DNAH5: variants seen among roughly 807,000 people sequenced by gnomAD.
DNAH5 encodes the protein axonemal beta dynein heavy chain 5.
DNAH5 carries 372 observed loss-of-function variants against 518.2 expected under a neutral mutation model. The observed-to-expected ratio is 0.72, with a 90% CI of 0.66 to 0.78. The LOEUF is 0.78. Ranked by LOEUF, DNAH5 falls within the 30% of genes least tolerant of loss-of-function variation. The pLI, the probability that DNAH5 is intolerant of heterozygous loss-of-function variation, is 0.00. For missense variants in DNAH5, 5,523 were observed against 5,687.0 expected (o/e 0.97, Z 0.93); for synonymous variants, 2,039 against 2,025.9 (o/e 1.01, Z -0.17).
intron 40 of DNAH5, among the ~76,000 whole-genome samples, chr5:13,822,506 C>A (rs1356150710): frequency 2.6e-5 from 4 of 152,168 alleles, no homozygotes; most frequent in Non-Finnish European, 5.9e-5. Context: ...CTCACTTGGC[C>A]TCCCAGAGTG....
chr5:13,859,191 AC>A, intron 30 of DNAH5, among the ~76,000 whole-genome samples: 1 of 152,252 alleles, frequency 6.6e-6, no homozygotes, highest in African/African-American at 2.4e-5. Flanking sequence ...CAATTATGCG[AC>A]CACTTATTTT....
chr5:13,754,202 C>A lies in DNAH5; in HGVS notation c.10555+1G>T. On this transcript the variant is annotated splice_donor_variant, in intron 62 of 78. Transcript: ENST00000265104. LOFTEE classifies it high-confidence loss of function. The stretch of plus-strand genomic sequence containing the variant: ...TCTCATTAATAAAGAAATTTACATA[C>A]CTACAAGTCTTTTAGTTTGTGCAGC... The A allele has an allele frequency of 6.2e-7, 1 of 1,614,016 alleles. No individual in the cohort carries two copies.
chr5:13,973,162 A>G (rs1429041925), intron 1 of DNAH5, among the ~76,000 whole-genome samples: 1 of 152,186 alleles, frequency 6.6e-6, no homozygotes, highest in Non-Finnish European at 1.5e-5. Context: ...TGATGTGATA[A>G]AAGAAGGGCT....
chr5:13,972,036 G>A (rs558772271), intron 1 of DNAH5, among the ~76,000 whole-genome samples: 225 of 152,196 alleles, frequency 1.5e-3, no homozygotes, highest in Middle Eastern at 3.4e-3. Flanking sequence ...CCAGGCCAAC[G>A]GAGTTACATT....
At chr5:13,997,847 A>ATTTT (rs570297298) in intron 1 of DNAH5, among the ~76,000 whole-genome samples, 1 of 144,406 alleles carries the variant, frequency 6.9e-6, no homozygotes. Flanking sequence ...TCACAATTCT[A>ATTTT]TTTTTTTTTT....
intron 6 of DNAH5, 63 bp from the exon 7 acceptor site, chr5:13,919,415 C>G: frequency 1.3e-6 from 2 of 1,577,788 alleles, no homozygotes; most frequent in Non-Finnish European, 1.7e-6. Context: ...AAGTTATAAA[C>G]AAGCAAAAAA....
intron 55 of DNAH5, among the ~76,000 whole-genome samples, chr5:13,775,960 A>G (rs1754023807): frequency 7.2e-6 from 1 of 138,868 alleles, no homozygotes; most frequent in Non-Finnish European, 1.5e-5. Context: ...ACAATTTCTC[A>G]CCAAAAGCTT....
chr5:13,788,477 C>T (rs191555373), intron 51 of DNAH5, among the ~76,000 whole-genome samples: 2 of 152,126 alleles, frequency 1.3e-5, no homozygotes, highest in African/African-American at 2.4e-5. Context: ...CCGAATCCTG[C>T]CCCCCAACTC....
chr5:13,796,132 A>T (rs1405313248), intron 47 of DNAH5, among the ~76,000 whole-genome samples: 1 of 152,206 alleles, frequency 6.6e-6, no homozygotes, highest in South Asian at 2.1e-4. Context: ...CCCTTTGAAA[A>T]CTGGCACAAG....
chr5:13,762,742 T>C lies in DNAH5; in HGVS notation c.10261A>G (p.Lys3421Glu). ...KAMASFFSIN[K>E]EVLPLKANLV... ...CTTACCTTCAGAGGCAGTACTTCTTTGTTTATAGAAAAGAAGGAAGCCATA... is the reference window on the plus strand; with the variant it reads ...CTTACCTTCAGAGGCAGTACTTCTTCGTTTATAGAAAAGAAGGAAGCCATA... Residue 3421 changes from lysine to glutamate, a missense_variant, in exon 60 of 79, where the codon AAA (lysine) becomes GAA (glutamate). Physicochemically the swap from Lys to Glu is moderately conservative, Grantham distance 56 (BLOSUM62 1). Coordinates refer to ENST00000265104, the MANE Select transcript of DNAH5 (RefSeq NM_001369.3). The C allele has an allele frequency of 1.2e-6, 2 of 1,614,084 alleles. No homozygotes were observed. The highest frequency in any genetic ancestry group is 1.7e-6 in the Non-Finnish European group (2 of 1,179,988).
chr5:13,728,999 A>C (rs1561125148), intron 69 of DNAH5, among the ~76,000 whole-genome samples: 1 of 152,202 alleles, frequency 6.6e-6, no homozygotes, highest in Non-Finnish European at 1.5e-5. Context: ...TGGGAAGGGC[A>C]GGAGAGGAAG....
intron 1 of DNAH5, among the ~76,000 whole-genome samples, chr5:13,971,460 C>A (rs777514103): frequency 1.3e-5 from 2 of 152,118 alleles, no homozygotes; most frequent in African/African-American, 4.8e-5. Context: ...TTTGTCCCAC[C>A]GCGTGCTCCC....
rs369935072 is a variant in DNAH5 at position 13,864,557 on chromosome 5, C to A, written c.4436G>T (p.Cys1479Phe). 15 of 1,614,116 alleles carry A rather than the reference C, an allele frequency of 9.3e-6. No homozygotes were observed. In the African/African-American group the frequency reaches 1.5e-4, roughly 16 times the overall value. The change falls in exon 28 of 79, where the codon TGT (cysteine) becomes TTT (phenylalanine). Residue 1479 changes from cysteine (C) to phenylalanine (F), a missense_variant. Transcript: ENST00000265104. ...LKKIIDDFSE[C>F]CPLLEYMASK... ...GGCCATGTATTCCAGCAGCGGGCAACACTCGCTGAAATCATCAATGATCTT... is the reference window on the plus strand; with the variant it reads ...GGCCATGTATTCCAGCAGCGGGCAAAACTCGCTGAAATCATCAATGATCTT...
chr5:13,967,269 G>A (rs1257763438), intron 1 of DNAH5, among the ~76,000 whole-genome samples: 2 of 152,158 alleles, frequency 1.3e-5, no homozygotes, highest in East Asian at 3.8e-4. Context: ...TGTCAAGAAG[G>A]GTTTTTCCAA....
chr5:13,691,588 C>T lies in DNAH5; in HGVS notation c.*396G>A, dbSNP rs1252613024. Reference sequence around the variant, plus strand: ...GCAATAGAAGCAAAATCAGCACAGACTTGCCCTGTTACCTTCAAGAACTTG... The same window carrying T: ...GCAATAGAAGCAAAATCAGCACAGATTTGCCCTGTTACCTTCAAGAACTTG... On this transcript the variant is annotated 3_prime_UTR_variant, in exon 79 of 79. Transcript: ENST00000265104. 2 of 201,956 alleles carry T rather than the reference C, an allele frequency of 9.9e-6. No homozygotes were observed. The highest frequency in any genetic ancestry group is 2.4e-5 in the African/African-American group (1 of 42,546). 12.5% of individuals were successfully genotyped at this position (201,956 alleles called of 1,614,324 possible). A position where few individuals can be genotyped will look rare whatever the true frequency, so the allele number is the denominator to read the frequency against.
chr5:13,807,471 G>T, intron 47 of DNAH5, 120 bp downstream of exon 47: 2 of 920,572 alleles, frequency 2.2e-6, no homozygotes, highest in African/African-American at 1.7e-5. Context: ...ACGTACGTGG[G>T]TGATTTATCA....
intron 1 of DNAH5, among the ~76,000 whole-genome samples, chr5:13,994,854 C>A (rs939176683): frequency 1.2e-4 from 18 of 152,158 alleles, no homozygotes; most frequent in African/African-American, 3.9e-4. Context: ...TAGCTGTTCG[C>A]CTGCTTAGGT....
At chr5:13,778,318 A>C (rs966958445) in intron 53 of DNAH5, among the ~76,000 whole-genome samples, 3 of 151,986 alleles carry the variant, frequency 2.0e-5, no homozygotes, top group Admixed American at 1.3e-4. Context: ...GATCTGAGAG[A>C]TCAGAAAACA....
chr5:13,889,754 C>T (rs746035511), intron 17 of DNAH5, among the ~76,000 whole-genome samples: 6 of 152,118 alleles, frequency 3.9e-5, no homozygotes, highest in African/African-American at 1.4e-4. Context: ...GAGCTCCGGG[C>T]AAGCCTCACA....
Sources: gnomAD v4.1 joint callset for allele counts (sites outside exome capture counted in the v4.1 genomes callset) on GRCh38, gnomAD v4.1.1 for gene constraint, MANE v1.5 for transcripts, NCBI Gene and HGNC (gene_info 2026-07-23, HGNC 2026-07-21) for gene names.